Variants in ARHGEF10L observed in about 807,000 individuals in gnomAD.
ARHGEF10L encodes Rho guanine nucleotide exchange factor 10 like.
In ARHGEF10L, 69 loss-of-function variants were observed where a neutral mutation model predicts 141.2. That is an observed-to-expected ratio of 0.49 (90% confidence interval 0.40 to 0.60). ARHGEF10L has a LOEUF of 0.60. Ranked by LOEUF, ARHGEF10L falls within the 20% of genes least tolerant of loss-of-function variation. The probability of loss-of-function intolerance (pLI) is 0.00; values close to 1 mark genes in which losing one functional copy is unlikely to be tolerated. For missense variants in ARHGEF10L, 1,482 were observed against 1,734.3 expected (o/e 0.85, Z 2.58); for synonymous variants, 711 against 718.5 (o/e 0.99, Z 0.17).
At chr1:17,585,141 C>T (rs2078914613) in intron 2 of ARHGEF10L, among the ~76,000 whole-genome samples, 1 of 152,172 alleles carries the variant, frequency 6.6e-6, no homozygotes. Context: ...GATTGGGAAT[C>T]CCCTAATTAA....
Position 17,697,439 on chromosome 1 carries a change from T to C in ARHGEF10L, c.*59T>C. Reference sequence around the variant, plus strand: ...AGGCCTGACCAAGGCCACGCCCGGCTCTCGTGCTCTAGGACCTGCACGGGA... The same window carrying C: ...AGGCCTGACCAAGGCCACGCCCGGCCCTCGTGCTCTAGGACCTGCACGGGA... On this transcript the variant is annotated 3_prime_UTR_variant, in exon 29 of 29. Transcript: ENST00000361221. The surrounding 1 kb of genome is among the most constrained non-coding windows in gnomAD (Gnocchi z 4.8). The C allele has an allele frequency of 6.5e-7, 1 of 1,526,882 alleles. No individual in the cohort carries two copies. 94.6% of individuals were successfully genotyped at this position (1,526,882 alleles called of 1,614,324 possible). A position where few individuals can be genotyped will look rare whatever the true frequency, so the allele number is the denominator to read the frequency against.
chr1:17,550,263 C>T (rs759736274), intron 1 of ARHGEF10L, among the ~76,000 whole-genome samples: 5 of 152,074 alleles, frequency 3.3e-5, no homozygotes, highest in African/African-American at 7.2e-5. Flanking sequence ...TGAAAGGAGA[C>T]GGTTAAGAGG....
chr1:17,600,647 A>G (rs1189812109), intron 4 of ARHGEF10L, among the ~76,000 whole-genome samples: 2 of 152,120 alleles, frequency 1.3e-5, no homozygotes, highest in Non-Finnish European at 2.9e-5. Context: ...TTTTTGACCC[A>G]GGATCCAATC....
At chr1:17,598,083 G>A (rs537551565) in intron 4 of ARHGEF10L, among the ~76,000 whole-genome samples, 2 of 152,096 alleles carry the variant, frequency 1.3e-5, no homozygotes, top group Admixed American at 6.5e-5. Flanking sequence ...TAGATTGGGT[G>A]GCTTATAAAC....
chr1:17,610,776 G>A (rs1469104509), intron 7 of ARHGEF10L, among the ~76,000 whole-genome samples: 1 of 152,208 alleles, frequency 6.6e-6, no homozygotes, highest in Non-Finnish European at 1.5e-5. Context: ...CCAGCTGCAA[G>A]AGAACTAATG....
intron 1 of ARHGEF10L, among the ~76,000 whole-genome samples, chr1:17,568,130 G>A (rs976933383): frequency 2.0e-5 from 3 of 152,160 alleles, no homozygotes; most frequent in Admixed American, 6.5e-5. Flanking sequence ...GGGCAGTGAC[G>A]GGGAGCTCTG....
At chr1:17,547,011 C>T (rs193082453) in intron 1 of ARHGEF10L, among the ~76,000 whole-genome samples, 6 of 151,796 alleles carry the variant, frequency 4.0e-5, no homozygotes, top group Admixed American at 6.6e-5. Context: ...CTGCTCGCCC[C>T]GGAGTCCTGC....
intron 27 of ARHGEF10L, among the ~76,000 whole-genome samples, chr1:17,689,372 G>A (rs776856406): frequency 8.1e-5 from 12 of 148,948 alleles, no homozygotes; most frequent in South Asian, 2.2e-4. Flanking sequence ...GCAGGTGCCC[G>A]ATGAGACTGA....
chr1:17,624,566 G>C, intron 13 of ARHGEF10L, 63 bp downstream of exon 13: 1 of 1,364,920 alleles, frequency 7.3e-7, no homozygotes, highest in Non-Finnish European at 1.0e-6. Context: ...CAGGAGGAAG[G>C]GAGCATTTTG....
chr1:17,591,984 G>A (rs1223086528), intron 4 of ARHGEF10L, among the ~76,000 whole-genome samples: 1 of 152,216 alleles, frequency 6.6e-6, no homozygotes, highest in Non-Finnish European at 1.5e-5. Flanking sequence ...GTAAATGGCA[G>A]GGCTGGGACT....
At chr1:17,561,780 C>T (rs1257714580) in intron 1 of ARHGEF10L, among the ~76,000 whole-genome samples, 4 of 152,338 alleles carry the variant, frequency 2.6e-5, no homozygotes, top group Admixed American at 6.5e-5. Context: ...TTCCCTAATA[C>T]GGTCTCCTGT....
In ARHGEF10L at chr1:17,623,266, G is replaced by A; in HGVS notation, c.1200+91G>A. 2 of 1,449,890 alleles carry A rather than the reference G, an allele frequency of 1.4e-6. No homozygotes were observed. The highest frequency in any genetic ancestry group is 1.9e-6 in the Non-Finnish European group (2 of 1,066,172). The allele number at this position is 1,449,890 out of a possible 1,614,324, so 89.8% of individuals were successfully genotyped here. A position where few individuals can be genotyped will look rare whatever the true frequency, so the allele number is the denominator to read the frequency against. ...CCATGCAGTCCAGCCTCCTGCCTCT[G>A]CCTGCTTGCCTTGTTCAAGTCAGTG... On this transcript the variant is annotated intron_variant, in intron 12 of 28. Transcript: ENST00000361221. This position sits in a 1 kb window ranked among gnomAD's most constrained non-coding sequence, Gnocchi z 4.7.
the ARHGEF10L span, among the ~76,000 whole-genome samples, chr1:17,523,293 T>A: frequency 6.6e-6 from 1 of 152,238 alleles, no homozygotes; most frequent in Non-Finnish European, 1.5e-5. Flanking sequence ...TTCACCATGT[T>A]GGCCAGGCTG....
intron 7 of ARHGEF10L, among the ~76,000 whole-genome samples, chr1:17,608,508 G>A (rs1002946191): frequency 6.6e-6 from 1 of 152,164 alleles, no homozygotes; most frequent in Non-Finnish European, 1.5e-5. Context: ...GGCCTCACAC[G>A]GTGCCATCCA....
At chr1:17,589,862 A>T (rs1358336249) in intron 4 of ARHGEF10L, among the ~76,000 whole-genome samples, 1 of 151,964 alleles carries the variant, frequency 6.6e-6, no homozygotes, top group Non-Finnish European at 1.5e-5. Flanking sequence ...ACGCCCAGGG[A>T]GCTGGGACAC....
chr1:17,534,281 C>G, the ARHGEF10L span, among the ~76,000 whole-genome samples: 1 of 152,096 alleles, frequency 6.6e-6, no homozygotes, highest in East Asian at 1.9e-4. Flanking sequence ...CGCCTCCACG[C>G]CCGGCTAATC....
chr1:17,660,355 C>T (rs1257274546), intron 25 of ARHGEF10L, among the ~76,000 whole-genome samples: 2 of 152,174 alleles, frequency 1.3e-5, no homozygotes, highest in East Asian at 1.9e-4. Flanking sequence ...TGGGCCTTTC[C>T]TTTGCCCCTC....
In ARHGEF10L at chr1:17,539,737, G is replaced by GCGCGGCGGGCGCGGGCGCAGT. The variant is rs2076644922; in HGVS notation, c.-255_-235dup. 1.4e-5 allele frequency: 2 copies of GCGCGGCGGGCGCGGGCGCAGT among 146,164 alleles called. No homozygotes were observed. Among genetic ancestry groups the GCGCGGCGGGCGCGGGCGCAGT allele is most frequent in the Non-Finnish European group, 3.0e-5 (2 of 65,614 alleles). The allele number at this position is 146,164 out of a possible 1,614,324, so 9.1% of individuals were successfully genotyped here. ...GGCGGCGGCGGGACCAGGCCTCGGA[G>GCGCGGCGGGCGCGGGCGCAGT]CGCGGCGGGCGCGGGCGCAGTCCCG... On this transcript the variant is annotated 5_prime_UTR_variant, in exon 1 of 29. Transcript: ENST00000361221. This position sits in a 1 kb window ranked among gnomAD's most constrained non-coding sequence, Gnocchi z 6.0.
rs1248338726 is a variant in ARHGEF10L at position 17,632,392 on chromosome 1, G to A, written c.1656G>A (p.Gly552=). The A allele has an allele frequency of 3.1e-6, 5 of 1,614,180 alleles. No individual in the cohort carries two copies. The change falls in exon 16 of 29, where the codon GGG becomes GGA. Residue 552 remains glycine (G), a synonymous_variant. Transcript: ENST00000361221. ...TLTETVYGDR[G]QLIKSKERRV... ...CGGAGACCGTGTACGGTGACCGCGG[G>A]CAGCTAATTAAGTCCAAGGAGCGTC...
Sources: allele counts gnomAD v4.1 joint callset (sites outside exome capture counted in the v4.1 genomes callset), GRCh38; gene constraint gnomAD v4.1.1; non-coding constraint Gnocchi (gnomAD v3.1); transcripts MANE v1.5; gene names NCBI Gene and HGNC (gene_info 2026-07-23, HGNC 2026-07-21).